The following CNST variants were observed in gnomAD, a reference collection of about 807,000 sequenced individuals.
CNST encodes the protein consortin.
Under a neutral mutation model 72.4 loss-of-function variants are expected in CNST, and 39 were observed. The observed-to-expected ratio is 0.54, with a 90% CI of 0.42 to 0.70. The LOEUF (loss-of-function observed/expected upper bound fraction) is 0.70, where lower values mean the gene tolerates loss of function less well. Among genes scored for constraint, CNST ranks in the 30% least tolerant of loss-of-function variants. The pLI is 0.00. For synonymous variants in CNST, 332 were observed against 320.1 expected (o/e 1.04, Z -0.40); for missense variants, 871 against 868.5 (o/e 1.00, Z -0.04).
intron 2 of CNST, among the ~76,000 whole-genome samples, chr1:246,594,397 T>C (rs1218433425): frequency 3.3e-5 from 5 of 152,222 alleles, no homozygotes; most frequent in Admixed American, 1.3e-4. Flanking sequence ...TTGAAACATA[T>C]GATTTATAAA....
At chr1:246,577,308 G>A (rs1572114584) in intron 1 of CNST, among the ~76,000 whole-genome samples, 1 of 151,896 alleles carries the variant, frequency 6.6e-6, no homozygotes, top group Non-Finnish European at 1.5e-5. Flanking sequence ...CCACCACAGC[G>A]TCACTCCCTT....
intron 9 of CNST, among the ~76,000 whole-genome samples, chr1:246,650,601 G>A (rs915428308): frequency 6.6e-6 from 1 of 150,956 alleles, no homozygotes; most frequent in Non-Finnish European, 1.5e-5. Context: ...TTGTGGGTTT[G>A]CTTATAAGTG....
rs1572203254 is a variant in CNST at position 246,629,546 on chromosome 1, A to G, written c.586-2348A>G. On this transcript the variant is annotated intron_variant, in intron 3 of 10. Transcript: ENST00000366513. ...TTATGGACCCCATCAAAACTCCTCAAATAAGAGCTATTTATAAGTAACCAT... is the reference window on the plus strand; with the variant it reads ...TTATGGACCCCATCAAAACTCCTCAGATAAGAGCTATTTATAAGTAACCAT... Among the ~76,000 whole-genome samples, 4 of 152,334 alleles carry G rather than the reference A, an allele frequency of 2.6e-5. No individual in the cohort carries two copies. The South Asian group carries it at 8.3e-4, about 32-fold the overall frequency.
At chr1:246,618,841 A>G (rs1035511097) in intron 2 of CNST, among the ~76,000 whole-genome samples, 1 of 152,228 alleles carries the variant, frequency 6.6e-6, no homozygotes, top group Non-Finnish European at 1.5e-5. Context: ...GATAACCACG[A>G]TGCAGGTTGC....
At chr1:246,638,567 G>A (rs1665459335) in intron 6 of CNST, among the ~76,000 whole-genome samples, 1 of 152,184 alleles carries the variant, frequency 6.6e-6, no homozygotes, top group Admixed American at 6.5e-5. Context: ...TTCATTTGTT[G>A]TCCAGCTGCT....
intron 9 of CNST, among the ~76,000 whole-genome samples, chr1:246,648,684 G>A (rs1344122324): frequency 6.6e-6 from 1 of 152,184 alleles, no homozygotes; most frequent in Non-Finnish European, 1.5e-5. Flanking sequence ...GAATTCGATT[G>A]CCTTAGTTCC....
chr1:246,601,015 C>G (rs371746799), intron 2 of CNST, among the ~76,000 whole-genome samples: 22 of 152,246 alleles, frequency 1.4e-4, no homozygotes, highest in East Asian at 9.7e-4. Flanking sequence ...TCCCACCAAA[C>G]AATGAGACGC....
intron 1 of CNST, among the ~76,000 whole-genome samples, chr1:246,583,121 C>T (rs1271930961): frequency 6.6e-6 from 1 of 152,194 alleles, no homozygotes; most frequent in East Asian, 1.9e-4. Context: ...TCAGTACCTT[C>T]ATGAGTATTT....
intron 9 of CNST, among the ~76,000 whole-genome samples, chr1:246,658,030 T>G (rs908180045): frequency 2.6e-5 from 4 of 152,160 alleles, no homozygotes; most frequent in Non-Finnish European, 5.9e-5. Flanking sequence ...GAATTCACCA[T>G]TGGTAAGTGT....
At chr1:246,618,231 C>T (rs1663828260) in intron 2 of CNST, among the ~76,000 whole-genome samples, 1 of 152,308 alleles carries the variant, frequency 6.6e-6, no homozygotes, top group South Asian at 2.1e-4. Flanking sequence ...AACTAGAGAA[C>T]TTCTCTATCC....
intron 10 of CNST, among the ~76,000 whole-genome samples, chr1:246,663,379 A>G (rs1485332157): frequency 6.6e-6 from 1 of 152,116 alleles, no homozygotes; most frequent in East Asian, 1.9e-4. Flanking sequence ...CTGTCCAAAA[A>G]AATACAGCAT....
intron 8 of CNST, 30 bp downstream of exon 8, chr1:246,642,067 C>G (rs758020446): frequency 7.9e-7 from 1 of 1,262,856 alleles, no homozygotes; most frequent in African/African-American, 1.6e-5. Flanking sequence ...TATGGAGCAA[C>G]GTAAAAGATA....
chr1:246,604,038 A>G (rs547193482), intron 2 of CNST, among the ~76,000 whole-genome samples: 33 of 152,308 alleles, frequency 2.2e-4, no homozygotes, highest in African/African-American at 6.5e-4. Flanking sequence ...AGCCTGGCCA[A>G]CTGGCCAACA....
chr1:246,612,243 C>T (rs938547357), intron 2 of CNST, among the ~76,000 whole-genome samples: 1 of 152,154 alleles, frequency 6.6e-6, no homozygotes, highest in Non-Finnish European at 1.5e-5. Context: ...CATTTGTTGC[C>T]CAGACTAGAG....
chr1:246,590,262 C>G (rs1440669546), intron 1 of CNST, among the ~76,000 whole-genome samples: 1 of 152,144 alleles, frequency 6.6e-6, no homozygotes, highest in Admixed American at 6.5e-5. Context: ...CATGCATCAG[C>G]TGACAGGACA....
At chr1:246,636,986 C>T (rs1010154765) in intron 6 of CNST, among the ~76,000 whole-genome samples, 1 of 152,110 alleles carries the variant, frequency 6.6e-6, no homozygotes, top group Non-Finnish European at 1.5e-5. Context: ...GGGATATTCC[C>T]GTATTAAGAC....
intron 2 of CNST, among the ~76,000 whole-genome samples, chr1:246,600,136 C>CA (rs1662172165): frequency 3.9e-5 from 6 of 152,186 alleles, no homozygotes. Context: ...TCAGAGATGG[C>CA]AGGCGTACCA....
rs776833324 is a variant in CNST, at chr1:246,641,985, G to C, written c.885G>C (p.Gln295His). 86 of 1,612,928 alleles carry C rather than the reference G, an allele frequency of 5.3e-5. No individual in the cohort carries two copies. Among genetic ancestry groups the C allele is most frequent in the Non-Finnish European group, 7.2e-5 (85 of 1,179,492 alleles). ...CCCAGGAAAGGAAATGCTCCACGCA[G>C]TTACTAGTGTCTGAAGATCCAAAGG... The part of the protein sequence containing the change: ...EKSQERKCST[Q>H]LLVSEDPKEG... The change falls in exon 8 of 11, where the codon CAG becomes CAC. Residue 295 changes from glutamine (Q) to histidine (H), a missense_variant. By Grantham distance (24) the Gln-to-His change is conservative. Transcript: ENST00000366513.
chr1:246,642,244 T>A (rs181853372), intron 8 of CNST, among the ~76,000 whole-genome samples: 2 of 151,484 alleles, frequency 1.3e-5, no homozygotes, highest in South Asian at 2.1e-4. Flanking sequence ...AGACATCTAT[T>A]AGTAGATACC....
Sources: gnomAD v4.1 joint callset for allele counts (sites outside exome capture counted in the v4.1 genomes callset) on GRCh38, gnomAD v4.1.1 for gene constraint, MANE v1.5 for transcripts, NCBI Gene and HGNC (gene_info 2026-07-23, HGNC 2026-07-21) for gene names.